The following CLPTM1L variants were observed in gnomAD, a reference collection of about 807,000 sequenced individuals.
CLPTM1L encodes CLPTM1 like.
Under a neutral mutation model 70.9 loss-of-function variants are expected in CLPTM1L, and 38 were observed. The observed-to-expected ratio is 0.54, with a 90% confidence interval of 0.41 to 0.70. The LOEUF is 0.70. Ranked by LOEUF, CLPTM1L falls within the 30% of genes least tolerant of loss-of-function variation. The pLI is 0.00. For synonymous variants in CLPTM1L, 339 were observed against 299.9 expected, an observed-to-expected ratio of 1.13 and a Z score of -1.35; for missense variants, 652 against 705.9, an observed-to-expected ratio of 0.92 and a Z score of 0.87.
rs1752412488 is a variant in CLPTM1L at position 1,324,771 on chromosome 5, C to T, written c.1189G>A (p.Asp397Asn). The part of the protein sequence containing the change: ...SESERKTEEY[D>N]TQAMKYLSYL... ...AATCACAAGTGACTTACCTGAGTAT[C>T]GTACTCCTCGGTTTTCCTCTCAGAT... The change falls in exon 11 of 17, where the codon GAT becomes AAT. Residue 397 changes from aspartate to asparagine, a missense_variant. Around this residue, in one of 3 missense-constraint regions of CLPTM1L, gnomAD observed 240 missense variants for 295.0 expected, o/e 0.81. Transcript: ENST00000320895. 1.9e-6 allele frequency: 3 copies of T among 1,614,118 alleles called. No individual in the cohort carries two copies. Among genetic ancestry groups the T allele is most frequent in the Admixed American group, 1.7e-5 (1 of 60,032 alleles).
At chr5:1,323,903 C>T (rs761640182) in intron 11 of CLPTM1L, 34 bp from the exon 12 acceptor site, 1 of 1,514,364 alleles carries the variant, frequency 6.6e-7, no homozygotes, top group Non-Finnish European at 9.2e-7. Flanking sequence ...CAGTTAGAGG[C>T]CCAAACGCCA....
At chr5:1,320,559 A>G in intron 16 of CLPTM1L, 57 bp downstream of exon 16, 1 of 943,212 alleles carries the variant, frequency 1.1e-6, no homozygotes, top group Non-Finnish European at 1.6e-6. Context: ...CATTCCGTTC[A>G]GCAGCAGCCA....
Position 1,320,720 on chromosome 5 carries a change from G to A in CLPTM1L, c.1428C>T (p.Thr476=), listed in dbSNP as rs1192841475. The A allele has an allele frequency of 1.3e-6, 2 of 1,541,670 alleles. No homozygotes were observed. The highest frequency in any genetic ancestry group is 1.8e-6 in the Non-Finnish European group (2 of 1,139,686). Residue 476 remains threonine (T), a synonymous_variant, in exon 16 of 17, where the codon ACC becomes ACT. Transcript: ENST00000320895. The part of the protein sequence containing the change: ...WKAFTYKAFN[T]FIDDVFAFII... Reference sequence around the variant, plus strand: ...TGAAGGCAAAGACGTCATCAATGAAGGTGTTGAAAGCCTGCAGGGCCAGAC... The same window carrying A: ...TGAAGGCAAAGACGTCATCAATGAAAGTGTTGAAAGCCTGCAGGGCCAGAC...
Position 1,334,315 on chromosome 5 carries a change from G to A in CLPTM1L, c.865C>T (p.Leu289=). ...FVDTNLYFLA[L]TFFVAAFHLL... is the part of the protein sequence containing the mutation. Reference sequence around the variant, plus strand: ...TGGAACGCTGCGACAAAGAAGGTCAGCGCCAGGAAGTATAAGTTGGTATCT... The same window carrying A: ...TGGAACGCTGCGACAAAGAAGGTCAACGCCAGGAAGTATAAGTTGGTATCT... Residue 289 remains leucine (L), a synonymous_variant, in exon 7 of 17, where the codon CTG becomes TTG. Transcript: ENST00000320895. 6.2e-7 allele frequency: 1 copy of A among 1,613,810 alleles called. No individual in the cohort carries two copies. The highest frequency in any genetic ancestry group is 8.5e-7 in the Non-Finnish European group (1 of 1,179,816).
At chr5:1,344,567 C>G in intron 1 of CLPTM1L, 113 bp downstream of exon 1, 1 of 1,452,104 alleles carries the variant, frequency 6.9e-7, no homozygotes, top group East Asian at 2.4e-5. Flanking sequence ...GGAAAGGTTC[C>G]ATCTCGACTC....
chr5:1,321,779 G>C lies in CLPTM1L; in HGVS notation c.1356C>G (p.Leu452=), dbSNP rs377554681. 169 of 1,613,940 alleles carry C rather than the reference G, an allele frequency of 1.0e-4. No homozygotes were observed. Among genetic ancestry groups the C allele is most frequent in the Non-Finnish European group, 1.3e-4 (154 of 1,179,982 alleles). ...AFGFLFMLPQ[L]FVNYKLKSVA... ...ACCGCCTTACCTTGTAGTTCACAAA[G>C]AGCTGGGGCAGCATGAAGAGGAAAC... The change falls in exon 14 of 17, where the codon CTC becomes CTG. Residue 452 remains leucine (L), a synonymous_variant. Transcript: ENST00000320895.
At chr5:1,321,018 C>T (rs780651988) in intron 15 of CLPTM1L, among the ~76,000 whole-genome samples, 7 of 152,166 alleles carry the variant, frequency 4.6e-5, no homozygotes, top group East Asian at 1.9e-4. Flanking sequence ...AGGCTGGAGC[C>T]GCCCGAGACA....
intron 6 of CLPTM1L, 41 bp from the exon 7 acceptor site, chr5:1,334,424 G>A (rs765538084): frequency 1.0e-5 from 14 of 1,348,456 alleles, no homozygotes; most frequent in African/African-American, 1.4e-5. Context: ...AACAGGCAAT[G>A]TCAATCTTAC....
At chr5:1,330,777 C>T (rs1400549059) in intron 8 of CLPTM1L, 1 of 181,834 alleles carries the variant, frequency 5.5e-6, no homozygotes, top group East Asian at 1.4e-4. Context: ...ACCTTAAGAA[C>T]CACTCCAGCT....
At chr5:1,328,699 T>TACAGACAC (rs1752826415) in intron 9 of CLPTM1L, among the ~76,000 whole-genome samples, 1 of 150,556 alleles carries the variant, frequency 6.6e-6, no homozygotes, top group Admixed American at 6.6e-5. Context: ...GCTCCTCCTC[T>TACAGACAC]ATAGACACAT....
intron 3 of CLPTM1L, among the ~76,000 whole-genome samples, chr5:1,340,776 T>C (rs756277674): frequency 6.6e-6 from 1 of 152,136 alleles, no homozygotes; most frequent in East Asian, 1.9e-4. Context: ...AAAGCTGCCA[T>C]CTTTCTTGTT....
intron 16 of CLPTM1L, among the ~76,000 whole-genome samples, chr5:1,319,282 G>C (rs1752009144): frequency 6.8e-6 from 1 of 146,360 alleles, no homozygotes; most frequent in Non-Finnish European, 1.5e-5. Flanking sequence ...TGTGAGTGTT[G>C]CTTATGGTGA....
At chr5:1,338,212 G>A in intron 4 of CLPTM1L, 1 of 586,980 alleles carries the variant, frequency 1.7e-6, no homozygotes, top group South Asian at 2.0e-5. Context: ...CCACAGGTGG[G>A]AAAATGCCTC....
At chr5:1,326,938 T>A (rs1350570624) in intron 9 of CLPTM1L, among the ~76,000 whole-genome samples, 2 of 149,128 alleles carry the variant, frequency 1.3e-5, no homozygotes, top group Admixed American at 6.6e-5. Context: ...TACGGACACA[T>A]TTCATCCAGC....
chr5:1,339,118 C>A (rs1263349894), intron 3 of CLPTM1L, 113 bp from the exon 4 acceptor site: 1 of 1,266,412 alleles, frequency 7.9e-7, no homozygotes, highest in Non-Finnish European at 1.1e-6. Flanking sequence ...GCAAACTGTG[C>A]CCGGGACAGC....
In CLPTM1L at chr5:1,322,868, T is replaced by C. The variant is rs1163933021; in HGVS notation, c.1315+9A>G. On this transcript the variant is annotated intron_variant, in intron 13 of 16. Coordinates refer to ENST00000320895, the MANE Select transcript of CLPTM1L (RefSeq NM_030782.5). Reference sequence around the variant, plus strand: ...ACTAGTACTGAAGCAGGGAAGCACATGGACTCACCGTTGACGAAGCTGTTG... The same window carrying C: ...ACTAGTACTGAAGCAGGGAAGCACACGGACTCACCGTTGACGAAGCTGTTG... 11 of 1,613,624 alleles carry C rather than the reference T, an allele frequency of 6.8e-6. No homozygotes were observed. The highest frequency in any genetic ancestry group is 1.7e-5 in the Admixed American group (1 of 59,996).
At position 1,318,077 on chromosome 5, in the gene CLPTM1L, C is replaced by A; in HGVS notation, c.*292G>T. ...TTGCCTGTGAGGGCTCCCACCCCTG[C>A]CCGCGTGAGGACATGGCCGAACCCC... is the stretch of plus-strand genomic sequence containing the variant. On this transcript the variant is annotated 3_prime_UTR_variant, in exon 17 of 17. Coordinates refer to ENST00000320895, the MANE Select transcript of CLPTM1L (RefSeq NM_030782.5). The surrounding 1 kb of genome is among the most constrained non-coding windows in gnomAD (Gnocchi z 8.9). 1 of 409,362 alleles carries A rather than the reference C, an allele frequency of 2.4e-6. No individual in the cohort carries two copies. Among genetic ancestry groups the A allele is most frequent in the Middle Eastern group, 6.2e-4 (1 of 1,606 alleles). The allele number at this position is 409,362 out of a possible 1,614,324, so 25.4% of individuals were successfully genotyped here. A position where few individuals can be genotyped will look rare whatever the true frequency, so the allele number is the denominator to read the frequency against.
rs1323186623 is a variant in CLPTM1L, at chr5:1,330,596, C to T, written c.977-213G>A. 5.5e-6 allele frequency: 3 copies of T among 548,904 alleles called. No individual in the cohort carries two copies. The Admixed American group carries it at 9.6e-5, about 17-fold the overall frequency. The allele number at this position is 548,904 out of a possible 1,614,324, so 34.0% of individuals were successfully genotyped here. On this transcript the variant is annotated intron_variant, in intron 8 of 16. Coordinates refer to ENST00000320895, the MANE Select transcript of CLPTM1L (RefSeq NM_030782.5). Reference sequence around the variant, plus strand: ...AAGGCTGCTGAACTGAACAGCTGGCCCCACACCAGCTCCACAAACACGTGT... The same window carrying T: ...AAGGCTGCTGAACTGAACAGCTGGCTCCACACCAGCTCCACAAACACGTGT...
At chr5:1,324,654 A>AC in intron 11 of CLPTM1L, 109 bp downstream of exon 11, 1 of 1,094,120 alleles carries the variant, frequency 9.1e-7, no homozygotes, top group Non-Finnish European at 1.4e-6. Context: ...AGGCGGGCTG[A>AC]CCCGTACTCC....
Sources: allele counts gnomAD v4.1 joint callset (sites outside exome capture counted in the v4.1 genomes callset), GRCh38; gene constraint gnomAD v4.1.1; regional missense constraint gnomAD v4.1.1; non-coding constraint Gnocchi (gnomAD v3.1); transcripts MANE v1.5; gene names NCBI Gene and HGNC (gene_info 2026-07-23, HGNC 2026-07-21).